CACTIN: variants seen among roughly 807,000 people sequenced by gnomAD.
CACTIN encodes cactin, spliceosome C complex subunit.
CACTIN carries 20 observed loss-of-function variants against 84.9 expected under a neutral mutation model. The observed-to-expected ratio is 0.24, with a 90% CI of 0.17 to 0.34. The LOEUF (loss-of-function observed/expected upper bound fraction) is 0.34. Among genes scored for constraint, CACTIN ranks in the 10% least tolerant of loss-of-function variants. The probability of loss-of-function intolerance (pLI) is 1.00; values close to 1 mark genes in which losing one functional copy is unlikely to be tolerated. For missense variants in CACTIN, 897 were observed against 1,117.2 expected (o/e 0.80, Z 2.81); for synonymous variants, 549 against 467.9 (o/e 1.17, Z -2.24).
chr19:3,612,773 CCT>C (rs1568290531), intron 9 of CACTIN: 2 of 700,222 alleles, frequency 2.9e-6, no homozygotes, highest in Non-Finnish European at 2.6e-6. Flanking sequence ...AGTATTTTCT[CCT>C]CTGTCTTAGG....
chr19:3,613,660 G>A (rs1482278476), intron 7 of CACTIN, 74 bp from the exon 8 acceptor site: 8 of 1,523,296 alleles, frequency 5.3e-6, no homozygotes, highest in Non-Finnish European at 6.2e-6. Flanking sequence ...AGATTCTCAC[G>A]CCCCTTATTG....
Position 3,624,070 on chromosome 19 carries a change from T to G in CACTIN, c.260A>C (p.Gln87Pro). ...PKWHSRDGSS[Q>P]SDSGEEQSRG... ...TGACTGCTCCTCTCCTGAGTCCGAC[T>G]GAGAGGACCCATCTCTTGAGTGCCA... is the stretch of plus-strand genomic sequence containing the variant. Residue 87 changes from glutamine (Q) to proline (P), a missense_variant, in exon 2 of 10, where the codon CAG becomes CCG. By Grantham distance (76) the Gln-to-Pro change is moderately conservative. Coordinates refer to ENST00000429344, the MANE Select transcript of CACTIN (RefSeq NM_001080543.2). 1 of 1,602,952 alleles carries G rather than the reference T, an allele frequency of 6.2e-7. No homozygotes were observed. The highest frequency in any genetic ancestry group is 2.2e-5 in the East Asian group (1 of 44,874).
Position 3,617,608 on chromosome 19 carries a change from G to A in CACTIN, c.1162+1267C>T, listed in dbSNP as rs563563450. Among the ~76,000 whole-genome samples, 5 of 151,694 alleles carry A rather than the reference G, an allele frequency of 3.3e-5. No homozygotes were observed. The South Asian group carries it at 6.2e-4, about 19-fold the overall frequency. Reference sequence around the variant, plus strand: ...TAGGAGAGGCCGGGCCCAGGGCAACGCTGGAAACGCCTCCCAGTCTTACAG... The same window carrying A: ...TAGGAGAGGCCGGGCCCAGGGCAACACTGGAAACGCCTCCCAGTCTTACAG... On this transcript the variant is annotated intron_variant, in intron 6 of 9. Coordinates refer to ENST00000429344, the MANE Select transcript of CACTIN (RefSeq NM_001080543.2).
At chr19:3,614,333 A>G (rs2033055377) in intron 7 of CACTIN, 64 bp downstream of exon 7, 1 of 1,480,078 alleles carries the variant, frequency 6.8e-7, no homozygotes, top group Non-Finnish European at 9.2e-7. Context: ...CCCAGGACTC[A>G]GGAGGGGGCG....
At chr19:3,621,817 T>C (rs898286818) in intron 2 of CACTIN, among the ~76,000 whole-genome samples, 1 of 152,062 alleles carries the variant, frequency 6.6e-6, no homozygotes, top group Non-Finnish European at 1.5e-5. Context: ...GGGCAGAGCA[T>C]GTCCAGGCAG....
chr19:3,620,750 C>A lies in CACTIN; in HGVS notation c.695G>T (p.Arg232Leu). 6.2e-7 allele frequency: 1 copy of A among 1,613,530 alleles called. No homozygotes were observed. The highest frequency in any genetic ancestry group is 8.5e-7 in the Non-Finnish European group (1 of 1,179,890). Reference sequence around the variant, plus strand: ...GTTGTCCTCCTGGATCCTCTTGTTCCGCTCCTTCAGCTCCTTCTCCTCCAG... The same window carrying A: ...GTTGTCCTCCTGGATCCTCTTGTTCAGCTCCTTCAGCTCCTTCTCCTCCAG... The part of the protein sequence containing the change: ...SHLEEKELKE[R>L]NKRIQEDNRL... Residue 232 changes from arginine (R) to leucine (L), a missense_variant, in exon 3 of 10, where the codon CGG becomes CTG. Physicochemically the swap from Arg to Leu is moderately radical, Grantham distance 102. Around this residue, in one of 8 missense-constraint regions of CACTIN, gnomAD observed 304 missense variants for 444.3 expected, o/e 0.68. Coordinates refer to ENST00000429344, the MANE Select transcript of CACTIN (RefSeq NM_001080543.2).
Position 3,619,240 on chromosome 19 carries a change from G to C in CACTIN, c.887C>G (p.Ser296Cys), listed in dbSNP as rs1307684730. Residue 296 changes from serine (S) to cysteine (C), a missense_variant and splice_region_variant, in exon 5 of 10, where the codon TCC becomes TGC. Transcript: ENST00000429344. ...NFHLQQAKLR[S>C]KIRIRDGRAK... ...CCGCCCGTCCCGGATGCGGATCTTG[G>C]AACTGTGGGGAGCAGGGGAAGGTGG... The C allele has an allele frequency of 6.2e-7, 1 of 1,612,592 alleles. No individual in the cohort carries two copies. Among genetic ancestry groups the C allele is most frequent in the Non-Finnish European group, 8.5e-7 (1 of 1,179,566 alleles).
chr19:3,617,520 G>C (rs1184100930), intron 6 of CACTIN, among the ~76,000 whole-genome samples: 1 of 152,148 alleles, frequency 6.6e-6, no homozygotes, highest in Non-Finnish European at 1.5e-5. Flanking sequence ...GAAGGCCATG[G>C]AAGGGATGGG....
At chr19:3,623,247 T>TGATAGCGGCAGAA (rs1234311485) in intron 2 of CACTIN, among the ~76,000 whole-genome samples, 1 of 147,462 alleles carries the variant, frequency 6.8e-6, no homozygotes, top group African/African-American at 2.5e-5. Context: ...AAAAGAAAGC[T>TGATAGCGGCAGAA]GGCCGGGCGT....
At chr19:3,625,502 G>A (rs549798985) in intron 1 of CACTIN, among the ~76,000 whole-genome samples, 8 of 152,186 alleles carry the variant, frequency 5.3e-5, no homozygotes, top group Non-Finnish European at 1.0e-4. Flanking sequence ...GGCCGAGGCG[G>A]GCAGATCACT....
intron 1 of CACTIN, among the ~76,000 whole-genome samples, chr19:3,624,985 G>T (rs2033304388): frequency 6.6e-6 from 1 of 152,086 alleles, no homozygotes; most frequent in Non-Finnish European, 1.5e-5. Context: ...TGACCTCCTG[G>T]GCTCAAGCCA....
intron 2 of CACTIN, 142 bp from the exon 3 acceptor site, chr19:3,620,944 C>G: frequency 9.8e-6 from 7 of 713,318 alleles, no homozygotes; most frequent in Non-Finnish European, 1.8e-5. Flanking sequence ...TCCACCCCCT[C>G]CTTAACACTC....
chr19:3,624,199 C>G, intron 1 of CACTIN, 37 bp from the exon 2 acceptor site: 1 of 1,490,892 alleles, frequency 6.7e-7, no homozygotes, highest in Non-Finnish European at 9.0e-7. Flanking sequence ...TCAGTGCCTG[C>G]AGCTGTCATC....
At chr19:3,612,450 C>A in intron 9 of CACTIN, 37 bp from the exon 10 acceptor site, 2 of 1,538,916 alleles carry the variant, frequency 1.3e-6, no homozygotes, top group East Asian at 4.6e-5. Context: ...GCCTCGGCCT[C>A]CCCCTGGGTC....
intron 2 of CACTIN, among the ~76,000 whole-genome samples, chr19:3,622,050 G>T (rs1030441472): frequency 6.6e-6 from 1 of 152,156 alleles, no homozygotes; most frequent in Non-Finnish European, 1.5e-5. Context: ...AACCCCTGCA[G>T]CTGTAATCAT....
chr19:3,611,897 C>T lies in CACTIN; in HGVS notation c.*26G>A, dbSNP rs376527516. On this transcript the variant is annotated 3_prime_UTR_variant, in exon 10 of 10. Coordinates refer to ENST00000429344, the MANE Select transcript of CACTIN (RefSeq NM_001080543.2). ...AGCCCCTTTACTGTGCCCCCGAGGA[C>T]ACCTGCCTGCCGTTCCCCAGGGCCG... The T allele has an allele frequency of 4.3e-6, 7 of 1,609,614 alleles. No homozygotes were observed. Among genetic ancestry groups the T allele is most frequent in the Middle Eastern group, 1.6e-4 (1 of 6,080 alleles).
At position 3,620,233 on chromosome 19, in the gene CACTIN, T is replaced by G; in HGVS notation, c.778A>C (p.Met260Leu). ...AGCATCTCCAGCTCCTGCTCGCGCA[T>G]GGCCTTCTCCCGCTCCCGCTCCAGC... The part of the protein sequence containing the change: ...LRLEREREKA[M>L]REQELEMLQR... The change falls in exon 4 of 10, where the codon ATG (methionine) becomes CTG (leucine). Residue 260 changes from methionine (M) to leucine (L), a missense_variant. Coordinates refer to ENST00000429344, the MANE Select transcript of CACTIN (RefSeq NM_001080543.2). 6.3e-7 allele frequency: 1 copy of G among 1,595,860 alleles called. No individual in the cohort carries two copies. The highest frequency in any genetic ancestry group is 8.5e-7 in the Non-Finnish European group (1 of 1,174,662).
intron 7 of CACTIN, chr19:3,613,998 C>T (rs2033045565): frequency 6.9e-6 from 3 of 432,924 alleles, no homozygotes; most frequent in East Asian, 4.3e-5. Flanking sequence ...CAGCCAGAGG[C>T]CGGGAGGCAG....
chr19:3,621,179 G>T (rs73920182), intron 2 of CACTIN, among the ~76,000 whole-genome samples: 29 of 152,172 alleles, frequency 1.9e-4, no homozygotes, highest in Admixed American at 6.5e-4. Flanking sequence ...TGAGTGCTTC[G>T]GACGTGAAGG....
Sources: gnomAD v4.1 joint callset for allele counts (sites outside exome capture counted in the v4.1 genomes callset) on GRCh38, gnomAD v4.1.1 for gene constraint, gnomAD v4.1.1 regional missense constraint, MANE v1.5 for transcripts, NCBI Gene and HGNC (gene_info 2026-07-23, HGNC 2026-07-21) for gene names.